SNX25: variants seen among roughly 807,000 people sequenced by gnomAD.
SNX25 encodes the protein sorting nexin-25.
A neutral mutation model predicts 113.7 loss-of-function variants in SNX25; 62 were observed. That is an observed-to-expected ratio of 0.55 (90% CI 0.44 to 0.67). The LOEUF is 0.67. SNX25 is among the 30% of genes least tolerant of loss of function. SNX25 has a pLI of 0.00. For synonymous variants in SNX25, 421 were observed against 436.2 expected (o/e 0.97, Z 0.43); for missense variants, 1,014 against 1,161.0 (o/e 0.87, Z 1.84).
At chr4:185,272,533 G>T (rs191315745) in intron 5 of SNX25, among the ~76,000 whole-genome samples, 1 of 152,140 alleles carries the variant, frequency 6.6e-6, no homozygotes, top group African/African-American at 2.4e-5. Context: ...CCACAAATAG[G>T]TGCCTCGGCT....
chr4:185,343,854 G>A (rs1278324206), intron 12 of SNX25, among the ~76,000 whole-genome samples: 4 of 152,192 alleles, frequency 2.6e-5, no homozygotes, highest in African/African-American at 7.2e-5. Flanking sequence ...AGAGTGAGGC[G>A]TGACAAAAAG....
At chr4:185,242,955 C>T (rs530337490) in intron 1 of SNX25, among the ~76,000 whole-genome samples, 18 of 152,122 alleles carry the variant, frequency 1.2e-4, no homozygotes, top group Non-Finnish European at 1.6e-4. Context: ...TTTTCTCTTT[C>T]CTGTTCTCCT....
At chr4:185,240,503 G>A (rs1366434493) in intron 1 of SNX25, among the ~76,000 whole-genome samples, 2 of 150,834 alleles carry the variant, frequency 1.3e-5, no homozygotes, top group African/African-American at 2.4e-5. Flanking sequence ...CCCGGATGGG[G>A]CGGCTGGCTG....
chr4:185,222,579 C>T (rs1298823280), intron 1 of SNX25, among the ~76,000 whole-genome samples: 2 of 152,226 alleles, frequency 1.3e-5, no homozygotes, highest in Admixed American at 6.5e-5. Flanking sequence ...ATATACCGCT[C>T]CTTCACTGTA....
At chr4:185,339,590 A>C (rs1412227073) in intron 11 of SNX25, 80 bp downstream of exon 11, 1 of 1,511,364 alleles carries the variant, frequency 6.6e-7, no homozygotes, top group Non-Finnish European at 8.9e-7. Flanking sequence ...AAGAATGAAG[A>C]TTGAGGGTAG....
At chr4:185,206,471 C>G (rs1186778604), upstream of SNX25, among the ~76,000 whole-genome samples, 1 of 129,072 alleles carries the variant, frequency 7.7e-6, no homozygotes, top group Non-Finnish European at 1.6e-5. Context: ...GGGGTTGAGA[C>G]CAGCCCGATG....
At chr4:185,253,077 G>A (rs901973445) in intron 2 of SNX25, among the ~76,000 whole-genome samples, 1 of 69,932 alleles carries the variant, frequency 1.4e-5, no homozygotes, top group Non-Finnish European at 4.6e-5. Context: ...GGAAAAAGAC[G>A]ACTTCTAAAA....
At chr4:185,316,331 G>GA (rs1340550660) in intron 7 of SNX25, among the ~76,000 whole-genome samples, 1 of 152,138 alleles carries the variant, frequency 6.6e-6, no homozygotes, top group Non-Finnish European at 1.5e-5. Flanking sequence ...TTTTATGGGT[G>GA]AAAAAACTGA....
intron 1 of SNX25, among the ~76,000 whole-genome samples, chr4:185,236,382 C>A (rs1426518094): frequency 6.6e-6 from 1 of 152,042 alleles, no homozygotes; most frequent in Non-Finnish European, 1.5e-5. Context: ...AAAAAAGACT[C>A]CCCTGTGAAG....
At chr4:185,241,511 A>G (rs1240442317) in intron 1 of SNX25, among the ~76,000 whole-genome samples, 1 of 19,074 alleles carries the variant, frequency 5.2e-5, no homozygotes, top group South Asian at 3.3e-3. Flanking sequence ...GACCGTGGGG[A>G]GAGGGAGAGG....
At chr4:185,325,909 A>C (rs2095153911) in intron 9 of SNX25, among the ~76,000 whole-genome samples, 1 of 152,252 alleles carries the variant, frequency 6.6e-6, no homozygotes, top group African/African-American at 2.4e-5. Context: ...TCATAAGTCA[A>C]GTTTGATTCC....
intron 8 of SNX25, among the ~76,000 whole-genome samples, chr4:185,322,052 A>T (rs1325339517): frequency 1.3e-5 from 2 of 152,226 alleles, no homozygotes; most frequent in Admixed American, 1.3e-4. Flanking sequence ...CCGTATATGT[A>T]TGTATATGTC....
chr4:185,333,487 G>C (rs2095209575), intron 10 of SNX25, among the ~76,000 whole-genome samples: 1 of 152,140 alleles, frequency 6.6e-6, no homozygotes, highest in African/African-American at 2.4e-5. Flanking sequence ...TCTTTTTGTG[G>C]ACATTCAAAT....
intron 3 of SNX25, among the ~76,000 whole-genome samples, chr4:185,260,525 A>C (rs570697429): frequency 2.6e-5 from 4 of 152,262 alleles, no homozygotes; most frequent in Non-Finnish European, 4.4e-5. Flanking sequence ...TTTTTTCCTC[A>C]GGAGAGCCAA....
chr4:185,361,466 G>A (rs1012481500), intron 16 of SNX25, among the ~76,000 whole-genome samples: 3 of 152,194 alleles, frequency 2.0e-5, no homozygotes, highest in African/African-American at 2.4e-5. Context: ...GGCCAGGCAC[G>A]GTAGCTCATG....
At position 185,267,227 on chromosome 4, in the gene SNX25, A is replaced by G; in HGVS notation, c.1091+72A>G. 3 of 1,444,174 alleles carry G rather than the reference A, an allele frequency of 2.1e-6. No individual in the cohort carries two copies. In the East Asian group the frequency reaches 6.9e-5, roughly 33 times the overall value. 89.5% of individuals were successfully genotyped at this position (1,444,174 alleles called of 1,614,324 possible). On this transcript the variant is annotated intron_variant, in intron 5 of 18. Transcript: ENST00000652585. ...CCCCTGCCTAGTTAGGTTAAAAAAA[A>G]AAAAAAGTAGTTGTCAGGGAAGCAG... is the stretch of plus-strand genomic sequence containing the variant.
At chr4:185,336,102 A>G (rs2095228323) in intron 10 of SNX25, among the ~76,000 whole-genome samples, 1 of 152,220 alleles carries the variant, frequency 6.6e-6, no homozygotes, top group Non-Finnish European at 1.5e-5. Flanking sequence ...CATTTAAAAG[A>G]TATTATTTAT....
chr4:185,238,082 A>G (rs2126439791), intron 1 of SNX25, among the ~76,000 whole-genome samples: 1 of 151,514 alleles, frequency 6.6e-6, no homozygotes, highest in Admixed American at 6.6e-5. Context: ...AAAAAAAAAA[A>G]AAATTTAGAG....
intron 5 of SNX25, among the ~76,000 whole-genome samples, chr4:185,281,308 A>G (rs533321737): frequency 1.3e-5 from 2 of 152,278 alleles, no homozygotes; most frequent in South Asian, 4.2e-4. Flanking sequence ...GAAGAATAAT[A>G]ATGAACATTT....
Sources: allele counts gnomAD v4.1 joint callset (sites outside exome capture counted in the v4.1 genomes callset), GRCh38; gene constraint gnomAD v4.1.1; transcripts MANE v1.5; gene names NCBI Gene and HGNC (gene_info 2026-07-23, HGNC 2026-07-21).